Variants in CCDC178 observed in about 807,000 individuals in gnomAD.
CCDC178 encodes coiled-coil domain-containing protein 178.
Under a neutral mutation model 117.4 loss-of-function variants are expected in CCDC178, and 126 were observed. That is an observed-to-expected ratio of 1.07 (90% CI 0.93 to 1.24). The LOEUF (loss-of-function observed/expected upper bound fraction) is 1.24, where lower values mean the gene tolerates loss of function less well. Ranked by LOEUF, CCDC178 falls within the 50% of genes most tolerant of loss-of-function variation. The pLI is 0.00. For missense variants in CCDC178, 1,030 were observed against 986.9 expected, an observed-to-expected ratio of 1.04 and a Z score of -0.59; for synonymous variants, 283 against 313.4, an observed-to-expected ratio of 0.90 and a Z score of 1.02.
At chr18:33,207,010 T>C (rs1408053241) in intron 20 of CCDC178, among the ~76,000 whole-genome samples, 2 of 152,208 alleles carry the variant, frequency 1.3e-5, no homozygotes, top group Non-Finnish European at 2.9e-5. Flanking sequence ...CTGCCTGTTG[T>C]GTAGTAATAA....
intron 22 of CCDC178, among the ~76,000 whole-genome samples, chr18:32,947,560 C>T (rs1439952676): frequency 6.6e-6 from 1 of 152,040 alleles, no homozygotes; most frequent in Non-Finnish European, 1.5e-5. Flanking sequence ...TATCTATTTA[C>T]CTAATAATTG....
chr18:33,235,837 G>A (rs917826038), intron 15 of CCDC178, among the ~76,000 whole-genome samples: 1 of 152,050 alleles, frequency 6.6e-6, no homozygotes, highest in African/African-American at 2.4e-5. Flanking sequence ...CACTATAATT[G>A]AATACATATT....
chr18:33,106,269 GCAAGTTTCCTCCTTTCAATTTTCC>G (rs1320189432), intron 20 of CCDC178, among the ~76,000 whole-genome samples: 2 of 151,624 alleles, frequency 1.3e-5, no homozygotes, highest in African/African-American at 4.8e-5. Context: ...CTTCCTTCCT[GCAAGTTTCCTCCTTTCAATTTTCC>G]CAAGAAAATA....
At chr18:33,040,024 T>A (rs1270957736) in intron 21 of CCDC178, among the ~76,000 whole-genome samples, 2 of 151,898 alleles carry the variant, frequency 1.3e-5, no homozygotes, top group African/African-American at 4.8e-5. Context: ...AAATACACTT[T>A]TGGCAGAGGA....
intron 3 of CCDC178, among the ~76,000 whole-genome samples, chr18:33,402,741 T>A (rs1038126908): frequency 6.6e-6 from 1 of 152,206 alleles, no homozygotes; most frequent in Non-Finnish European, 1.5e-5. Flanking sequence ...TTGTTGTTGT[T>A]ACTGTTAGAG....
intron 21 of CCDC178, among the ~76,000 whole-genome samples, chr18:33,046,536 C>A (rs911506827): frequency 4.1e-5 from 6 of 145,706 alleles, no homozygotes; most frequent in African/African-American, 1.6e-4. Flanking sequence ...AAAAAAATAA[C>A]CACAGTAATT....
intron 2 of CCDC178, among the ~76,000 whole-genome samples, chr18:33,418,250 C>T (rs538382037): frequency 6.6e-6 from 1 of 152,266 alleles, no homozygotes; most frequent in East Asian, 1.9e-4. Flanking sequence ...ATGATCATCT[C>T]AATAGATGCA....
chr18:33,092,682 C>A, intron 21 of CCDC178, 79 bp downstream of exon 21: 1 of 965,468 alleles, frequency 1.0e-6, no homozygotes, highest in South Asian at 1.6e-5. Flanking sequence ...ATCAGAGGCA[C>A]CCAAACTGAC....
intron 21 of CCDC178, among the ~76,000 whole-genome samples, chr18:32,975,047 C>A (rs1400153613): frequency 1.3e-5 from 2 of 152,150 alleles, no homozygotes; most frequent in Admixed American, 6.5e-5. Context: ...AAAAAATCAT[C>A]TTTTGAAGCC....
chr18:33,110,872 C>G (rs958874187), intron 20 of CCDC178, among the ~76,000 whole-genome samples: 1 of 151,468 alleles, frequency 6.6e-6, no homozygotes, highest in African/African-American at 2.4e-5. Context: ...TCTTCAAGAC[C>G]CTTGGCCCTT....
At chr18:33,076,680 C>G (rs910555701) in intron 21 of CCDC178, among the ~76,000 whole-genome samples, 1 of 152,166 alleles carries the variant, frequency 6.6e-6, no homozygotes, top group Non-Finnish European at 1.5e-5. Flanking sequence ...CTAGTCAGCT[C>G]GTGGTGTGTG....
chr18:32,976,625 A>C (rs2055033694), intron 21 of CCDC178, among the ~76,000 whole-genome samples: 2 of 152,270 alleles, frequency 1.3e-5, no homozygotes, highest in East Asian at 1.9e-4. Context: ...GAACCATGAC[A>C]AATATTCCTG....
At chr18:33,305,501 A>G (rs975843345) in intron 11 of CCDC178, among the ~76,000 whole-genome samples, 1 of 152,104 alleles carries the variant, frequency 6.6e-6, no homozygotes, top group Non-Finnish European at 1.5e-5. Context: ...TTTTATTCTG[A>G]GTAGAGACTC....
intron 3 of CCDC178, among the ~76,000 whole-genome samples, chr18:33,401,239 C>T (rs9962481): frequency 0.016 from 2,421 of 152,222 alleles, 63 homozygotes; most frequent in African/African-American, 0.054. Flanking sequence ...GACATTGATA[C>T]ATGAAGTTTT....
intron 20 of CCDC178, among the ~76,000 whole-genome samples, chr18:33,183,595 C>T (rs2058756064): frequency 6.6e-6 from 1 of 151,906 alleles, no homozygotes; most frequent in Admixed American, 6.6e-5. Flanking sequence ...AACAGAAATA[C>T]TGCCGTAAAT....
intron 22 of CCDC178, among the ~76,000 whole-genome samples, chr18:32,963,568 CT>C (rs1568184569): frequency 6.6e-6 from 1 of 151,978 alleles, no homozygotes; most frequent in South Asian, 2.1e-4. Context: ...GTAATTTTCC[CT>C]GTACACAATA....
chr18:33,190,540 T>C (rs540684310), intron 20 of CCDC178, among the ~76,000 whole-genome samples: 1 of 152,342 alleles, frequency 6.6e-6, no homozygotes, highest in South Asian at 2.1e-4. Context: ...TCTCTAAGTA[T>C]ATGTGTTTAC....
In CCDC178 at chr18:33,272,870, A is replaced by T. The variant is rs202090470; in HGVS notation, c.1177-5573T>A. Among the ~76,000 whole-genome samples, 5 of 151,480 alleles carry T rather than the reference A, an allele frequency of 3.3e-5. 1 individual carries two copies. Among genetic ancestry groups the T allele is most frequent in the Admixed American group, 3.3e-4 (5 of 15,160 alleles). On this transcript the variant is annotated intron_variant, in intron 12 of 22. Transcript: ENST00000383096. ...ACCCTTTTGTAATAAAAAATTCAGT[A>T]AACTAACAATAAAGGGAAATTTTCT... is the stretch of plus-strand genomic sequence containing the variant.
intron 14 of CCDC178, among the ~76,000 whole-genome samples, chr18:33,264,984 A>T (rs1438184681): frequency 6.6e-6 from 1 of 152,062 alleles, no homozygotes; most frequent in Admixed American, 6.6e-5. Context: ...TGTCCTTATT[A>T]GATCACCGAC....
Sources: allele counts gnomAD v4.1 joint callset (sites outside exome capture counted in the v4.1 genomes callset), GRCh38; gene constraint gnomAD v4.1.1; transcripts MANE v1.5; gene names NCBI Gene and HGNC (gene_info 2026-07-23, HGNC 2026-07-21).